Variants in NELL2 observed in about 807,000 individuals in gnomAD.
NELL2 encodes protein kinase C-binding protein NELL2.
In NELL2, 41 loss-of-function variants were observed where a neutral mutation model predicts 109.6. That is an observed-to-expected ratio of 0.37 (90% CI 0.29 to 0.49). The LOEUF is 0.49. Ranked by LOEUF, NELL2 falls within the 20% of genes least tolerant of loss-of-function variation. The pLI is 0.98. For synonymous variants in NELL2, 355 were observed against 344.7 expected (o/e 1.03, Z -0.33); for missense variants, 900 against 1,008.3 (o/e 0.89, Z 1.45).
chr12:44,790,773 T>C (rs147798017), intron 3 of NELL2, among the ~76,000 whole-genome samples: 2,198 of 151,764 alleles, frequency 0.014, 50 homozygotes, highest in African/African-American at 0.05. Context: ...AGGAGACTCA[T>C]CTAAGACATA....
chr12:44,898,951 T>C (rs113347208), intron 1 of NELL2, among the ~76,000 whole-genome samples: 20,464 of 151,864 alleles, frequency 0.13, 1,454 homozygotes, highest in East Asian at 0.22. Context: ...ATGAGAACTT[T>C]GTGAAGCATA....
intron 11 of NELL2, among the ~76,000 whole-genome samples, chr12:44,708,266 T>C (rs569871243): frequency 2.6e-5 from 4 of 152,348 alleles, no homozygotes; most frequent in Admixed American, 6.5e-5. Flanking sequence ...AGAAGATGGC[T>C]AGCTACAGGG....
intron 9 of NELL2, among the ~76,000 whole-genome samples, chr12:44,720,049 A>C (rs1461824808): frequency 1.3e-5 from 2 of 152,152 alleles, no homozygotes; most frequent in Non-Finnish European, 2.9e-5. Flanking sequence ...TGTTAACTGG[A>C]CTCACTTGGA....
At chr12:44,638,178 C>T in intron 13 of NELL2, among the ~76,000 whole-genome samples, 1 of 152,070 alleles carries the variant, frequency 6.6e-6, no homozygotes. Flanking sequence ...CTTCCTTCCT[C>T]TAGTCTTTCT....
chr12:44,687,450 T>C (rs895256193), intron 12 of NELL2, among the ~76,000 whole-genome samples: 2 of 152,184 alleles, frequency 1.3e-5, no homozygotes, highest in African/African-American at 2.4e-5. Context: ...GCAATTCTTA[T>C]ATATTTCTAG....
chr12:44,529,093 T>TA (rs901682305), intron 16 of NELL2, among the ~76,000 whole-genome samples: 7 of 151,998 alleles, frequency 4.6e-5, no homozygotes, highest in Admixed American at 3.9e-4. Context: ...TGAATGTTAT[T>TA]AAAAAAAGAC....
chr12:44,819,052 T>C (rs1027782837), intron 2 of NELL2, among the ~76,000 whole-genome samples: 6 of 152,196 alleles, frequency 3.9e-5, no homozygotes, highest in Admixed American at 3.9e-4. Flanking sequence ...AGTTCACTTA[T>C]TTTTTAATTT....
Position 44,591,275 on chromosome 12 carries a change from G to C in NELL2, c.1663+15894C>G, listed in dbSNP as rs551524210. Among the ~76,000 whole-genome samples the C allele has an allele frequency of 9.3e-4, 141 of 152,222 alleles. 1 individual carries two copies. Among genetic ancestry groups the C allele is most frequent in the African/African-American group, 3.3e-3 (136 of 41,534 alleles). On this transcript the variant is annotated intron_variant, in intron 15 of 19. Transcript: ENST00000429094. ...TATGATCCAACAATCCCATGACTGG[G>C]TATTTATCTGAAGGAAAGGAAATCA...
upstream of NELL2, among the ~76,000 whole-genome samples, chr12:44,879,626 C>G (rs1311669542): frequency 6.6e-6 from 1 of 151,716 alleles, no homozygotes; most frequent in Admixed American, 6.6e-5. Flanking sequence ...CTATCGGGAC[C>G]CTAAGAAAAT....
At chr12:44,875,016 A>T in intron 2 of NELL2, 1 of 570,012 alleles carries the variant, frequency 1.8e-6, no homozygotes, top group Non-Finnish European at 3.0e-6. Flanking sequence ...AACTGGCAAG[A>T]GTACAAAGTA....
chr12:44,542,052 C>T (rs1033646955), intron 15 of NELL2, among the ~76,000 whole-genome samples: 1 of 152,146 alleles, frequency 6.6e-6, no homozygotes, highest in African/African-American at 2.4e-5. Context: ...TTCACAACAA[C>T]AAGGATAACA....
At chr12:44,718,369 A>G (rs1938598475) in intron 9 of NELL2, among the ~76,000 whole-genome samples, 2 of 152,238 alleles carry the variant, frequency 1.3e-5, no homozygotes, top group Non-Finnish European at 2.9e-5. Context: ...CCAGTAGAGT[A>G]TAAAGTAAGA....
At chr12:44,757,424 CTT>C (rs1940937834) in intron 9 of NELL2, among the ~76,000 whole-genome samples, 1 of 152,074 alleles carries the variant, frequency 6.6e-6, no homozygotes, top group South Asian at 2.1e-4. Context: ...ATATCGAAGT[CTT>C]TTAACACCAC....
chr12:44,588,174 A>G (rs1262633259), intron 15 of NELL2, among the ~76,000 whole-genome samples: 1 of 151,834 alleles, frequency 6.6e-6, no homozygotes, highest in Non-Finnish European at 1.5e-5. Flanking sequence ...CCGTCTCAAA[A>G]AAAAAAAAAA....
chr12:44,778,345 T>C (rs1941829313), intron 5 of NELL2, among the ~76,000 whole-genome samples: 2 of 152,160 alleles, frequency 1.3e-5, no homozygotes, highest in Non-Finnish European at 2.9e-5. Flanking sequence ...CTGGATCCAG[T>C]GTGTGCTTGG....
intron 3 of NELL2, among the ~76,000 whole-genome samples, chr12:44,782,401 C>T (rs1182459275): frequency 6.6e-6 from 1 of 151,668 alleles, no homozygotes; most frequent in Non-Finnish European, 1.5e-5. Flanking sequence ...TAAACTCAAG[C>T]ATATAATTTT....
intron 12 of NELL2, among the ~76,000 whole-genome samples, chr12:44,692,081 C>A (rs1948915988): frequency 6.6e-6 from 1 of 152,142 alleles, no homozygotes; most frequent in Non-Finnish European, 1.5e-5. Context: ...CCATATAGAA[C>A]TTTTACAGCT....
chr12:44,737,409 C>T (rs1371802117), intron 9 of NELL2, among the ~76,000 whole-genome samples: 1 of 146,732 alleles, frequency 6.8e-6, no homozygotes, highest in Non-Finnish European at 1.5e-5. Flanking sequence ...TAAAATTATG[C>T]CTCTTTAATA....
At chr12:44,860,405 A>G (rs1482685091) in intron 2 of NELL2, among the ~76,000 whole-genome samples, 1 of 152,240 alleles carries the variant, frequency 6.6e-6, no homozygotes, top group Non-Finnish European at 1.5e-5. Context: ...TAAATTAACA[A>G]ATTTGTCTTG....
Sources: gnomAD v4.1 joint callset for allele counts (sites outside exome capture counted in the v4.1 genomes callset) on GRCh38, gnomAD v4.1.1 for gene constraint, MANE v1.5 for transcripts, NCBI Gene and HGNC (gene_info 2026-07-23, HGNC 2026-07-21) for gene names.